MORC2: variants seen among roughly 807,000 people sequenced by gnomAD.
MORC2 encodes MORC family CW-type zinc finger 2, also known as ATPase MORC2.
Under a neutral mutation model 136.0 loss-of-function variants are expected in MORC2, and 30 were observed. That is an observed-to-expected ratio of 0.22 (90% CI 0.17 to 0.30). The LOEUF (loss-of-function observed/expected upper bound fraction) is 0.30, where lower values mean the gene tolerates loss of function less well. MORC2 is among the 10% of genes least tolerant of loss of function. The pLI, the probability that MORC2 is intolerant of heterozygous loss-of-function variation, is 1.00. For synonymous variants in MORC2, 439 were observed against 487.0 expected, an observed-to-expected ratio of 0.90 and a Z score of 1.30; for missense variants, 922 against 1,333.1, an observed-to-expected ratio of 0.69 and a Z score of 4.80.
intron 13 of MORC2, 38 bp downstream of exon 13, chr22:30,938,027 T>C (rs980433333): frequency 1.4e-5 from 23 of 1,613,590 alleles, no homozygotes; most frequent in African/African-American, 4.0e-5. Context: ...TCCTGCCAAC[T>C]ATCCTGGGCT....
At position 30,927,572 on chromosome 22, in the gene MORC2, A is replaced by G. The variant is rs188760176; in HGVS notation, c.3030+447T>C. 1.0e-3 allele frequency among the ~76,000 whole-genome samples: 152 copies of G among 152,140 alleles called. 1 individual carries two copies. Among genetic ancestry groups the G allele is most frequent in the Admixed American group, 1.7e-3 (26 of 15,276 alleles). ...CACCATCAGTAATTCTCTCTCTTCC[A>G]CCAGACTGGCAGGCTGTGAGAGCAG... On this transcript the variant is annotated intron_variant, in intron 25 of 25. Transcript: ENST00000397641.
At position 30,968,245 on chromosome 22, in the gene MORC2, T is replaced by G. The variant is rs1292042129; in HGVS notation, c.-356A>C. 1 of 173,742 alleles carries G rather than the reference T, an allele frequency of 5.8e-6. No individual in the cohort carries two copies. Among genetic ancestry groups the G allele is most frequent in the Non-Finnish European group, 1.2e-5 (1 of 81,316 alleles). The allele number at this position is 173,742 out of a possible 1,614,324, so 10.8% of individuals were successfully genotyped here. On this transcript the variant is annotated 5_prime_UTR_variant, in exon 1 of 26. Coordinates refer to ENST00000397641, the MANE Select transcript of MORC2 (RefSeq NM_001303256.3). ...AGATGGTCCTTGAGTGGGTGGTTTATGACTGCTCCATCTTCATGTTCTTCC... is the reference window on the plus strand; with the variant it reads ...AGATGGTCCTTGAGTGGGTGGTTTAGGACTGCTCCATCTTCATGTTCTTCC...
intron 11 of MORC2, 70 bp downstream of exon 11, chr22:30,939,889 C>G: frequency 6.6e-7 from 1 of 1,510,258 alleles, no homozygotes. Flanking sequence ...TTTTACTTGA[C>G]CAGGCTCATG....
chr22:30,954,056 C>A (rs990477437), intron 3 of MORC2, among the ~76,000 whole-genome samples: 3 of 152,174 alleles, frequency 2.0e-5, no homozygotes, highest in African/African-American at 7.2e-5. Flanking sequence ...GTAAGCCCAG[C>A]ACTTTGGGGG....
At chr22:30,962,187 A>G (rs529071038) in intron 1 of MORC2, among the ~76,000 whole-genome samples, 127 of 151,266 alleles carry the variant, frequency 8.4e-4, no homozygotes, top group African/African-American at 2.9e-3. Flanking sequence ...TCCAGCCTGG[A>G]CAAGAGCAAA....
At position 30,926,746 on chromosome 22, in the gene MORC2, C is replaced by G. The variant is rs113471863; in HGVS notation, c.*57G>C. 5 of 1,479,040 alleles carry G rather than the reference C, an allele frequency of 3.4e-6. No homozygotes were observed. In the Admixed American group the frequency reaches 5.2e-5, roughly 15 times the overall value. 91.6% of individuals were successfully genotyped at this position (1,479,040 alleles called of 1,614,324 possible). A position where few individuals can be genotyped will look rare whatever the true frequency, so the allele number is the denominator to read the frequency against. ...CAACCCATGAATGAAGTCCCCTCCC[C>G]CTGCAGCTACAGGGTTGAGGGGCAG... On this transcript the variant is annotated 3_prime_UTR_variant, in exon 26 of 26. Transcript: ENST00000397641.
At position 30,932,518 on chromosome 22, in the gene MORC2, G is replaced by A. The variant is rs749698880; in HGVS notation, c.2747+27C>T. 91 of 1,613,140 alleles carry A rather than the reference G, an allele frequency of 5.6e-5. No homozygotes were observed. Among genetic ancestry groups the A allele is most frequent in the Admixed American group, 1.0e-4 (6 of 59,976 alleles). Reference sequence around the variant, plus strand: ...AGGCAGAGAGCTGCTGCTGGCCCTGGGGTGGGAAGACAAAAGACACATGTA... The same window carrying A: ...AGGCAGAGAGCTGCTGCTGGCCCTGAGGTGGGAAGACAAAAGACACATGTA... On this transcript the variant is annotated intron_variant, in intron 23 of 25. Transcript: ENST00000397641. This position sits in a 1 kb window ranked among gnomAD's most constrained non-coding sequence, Gnocchi z 4.4.
At chr22:30,948,844 C>T (rs1358194879) in intron 5 of MORC2, among the ~76,000 whole-genome samples, 1 of 152,132 alleles carries the variant, frequency 6.6e-6, no homozygotes, top group African/African-American at 2.4e-5. Context: ...TGGTAAGTGT[C>T]TGTTATTACC....
chr22:30,934,208 G>T lies in MORC2; in HGVS notation c.2194-17C>A. 1 of 1,614,026 alleles carries T rather than the reference G, an allele frequency of 6.2e-7. No homozygotes were observed. Among genetic ancestry groups the T allele is most frequent in the Non-Finnish European group, 8.5e-7 (1 of 1,179,926 alleles). On this transcript the variant is annotated splice_polypyrimidine_tract_variant and intron_variant, in intron 19 of 25. Transcript: ENST00000397641. This position sits in a 1 kb window ranked among gnomAD's most constrained non-coding sequence, Gnocchi z 4.4. Reference sequence around the variant, plus strand: ...AGGGGTAGCCTAGAGCAAGAGGAGCGTGAGGATGTGAGGGGCCCTGTTCAG... The same window carrying T: ...AGGGGTAGCCTAGAGCAAGAGGAGCTTGAGGATGTGAGGGGCCCTGTTCAG...
intron 6 of MORC2, among the ~76,000 whole-genome samples, chr22:30,944,614 G>A (rs993679381): frequency 2.0e-5 from 3 of 152,076 alleles, no homozygotes; most frequent in African/African-American, 7.2e-5. Context: ...ACTGCACTTT[G>A]CATGTCCAGA....
rs1173397468 is a variant in MORC2 at position 30,926,176 on chromosome 22, A to C, written c.*627T>G. ...TTAACTGAAGAAATCCCTCCTTCAG[A>C]AAGAACTTGAGTAGTAGATGAGGTG... On this transcript the variant is annotated 3_prime_UTR_variant, in exon 26 of 26. Transcript: ENST00000397641. 1.3e-5 allele frequency: 2 copies of C among 152,228 alleles called. No homozygotes were observed. The highest frequency in any genetic ancestry group is 2.9e-5 in the Non-Finnish European group (2 of 68,044). 9.4% of individuals were successfully genotyped at this position (152,228 alleles called of 1,614,324 possible).
rs946120426 is a variant in MORC2, at chr22:30,950,293, AAAAC to A, written c.226+80_226+83del. The A allele has an allele frequency of 1.9e-5, 27 of 1,454,236 alleles. No individual in the cohort carries two copies. The African/African-American group carries it at 3.3e-4, about 18-fold the overall frequency. 90.1% of individuals were successfully genotyped at this position (1,454,236 alleles called of 1,614,324 possible). A position where few individuals can be genotyped will look rare whatever the true frequency, so the allele number is the denominator to read the frequency against. On this transcript the variant is annotated intron_variant, in intron 4 of 25. Transcript: ENST00000397641. ...TAGACATAACATTGGAGGCAACAGA[AAAAC>A]AAGTTCACACAATAAGTATTTTGTA...
In MORC2 at chr22:30,934,243, A is replaced by G; in HGVS notation, c.2194-52T>C. Reference sequence around the variant, plus strand: ...GAGGGGCCCTGTTCAGCCTCTAAGGAGCAGGAAGATTTCATCTAGCCTAAA... The same window carrying G: ...GAGGGGCCCTGTTCAGCCTCTAAGGGGCAGGAAGATTTCATCTAGCCTAAA... On this transcript the variant is annotated intron_variant, in intron 19 of 25. Coordinates refer to ENST00000397641, the MANE Select transcript of MORC2 (RefSeq NM_001303256.3). The surrounding 1 kb of genome is among the most constrained non-coding windows in gnomAD (Gnocchi z 4.4). The G allele has an allele frequency of 6.2e-7, 1 of 1,611,052 alleles. No homozygotes were observed. Among genetic ancestry groups the G allele is most frequent in the Non-Finnish European group, 8.5e-7 (1 of 1,178,406 alleles).
chr22:30,952,049 G>A (rs1330698230), intron 3 of MORC2, among the ~76,000 whole-genome samples: 2 of 152,160 alleles, frequency 1.3e-5, no homozygotes, highest in Admixed American at 6.5e-5. Flanking sequence ...CTTCCTGGAA[G>A]TACTATTGGT....
At chr22:30,963,652 C>T (rs1306373528) in intron 1 of MORC2, among the ~76,000 whole-genome samples, 1 of 152,178 alleles carries the variant, frequency 6.6e-6, no homozygotes, top group Non-Finnish European at 1.5e-5. Flanking sequence ...TTCCAAAGTG[C>T]TGGGATTACA....
intron 24 of MORC2, chr22:30,930,102 C>G (rs988024751): frequency 6.6e-6 from 1 of 152,318 alleles, no homozygotes; most frequent in Non-Finnish European, 1.5e-5. Flanking sequence ...AGTGATCCAC[C>G]TTCCTCAGCC....
rs1429592508 is a variant in MORC2, at chr22:30,958,622, A to G, written c.122+19T>C. 6.5e-7 allele frequency: 1 copy of G among 1,537,222 alleles called. No homozygotes were observed. Among genetic ancestry groups the G allele is most frequent in the East Asian group, 2.5e-5 (1 of 40,784 alleles). On this transcript the variant is annotated intron_variant, in intron 2 of 25. Transcript: ENST00000397641. ...TGTTTCCACTTCAAGCACAGATTGT[A>G]TGCCTGAAGACTACATACCTTGCAT... is the stretch of plus-strand genomic sequence containing the variant.
chr22:30,942,575 AC>A (rs1250038116), intron 6 of MORC2, among the ~76,000 whole-genome samples: 1 of 152,106 alleles, frequency 6.6e-6, no homozygotes, highest in Non-Finnish European at 1.5e-5. Flanking sequence ...TTCTACTCTT[AC>A]CACTAGGGAA....
chr22:30,940,112 C>T, intron 10 of MORC2, 71 bp from the exon 11 acceptor site: 1 of 1,444,430 alleles, frequency 6.9e-7, no homozygotes, highest in Non-Finnish European at 9.6e-7. Context: ...CCTGGATCCA[C>T]AGTACTGGAC....
Sources: gnomAD v4.1 joint callset for allele counts (sites outside exome capture counted in the v4.1 genomes callset) on GRCh38, gnomAD v4.1.1 for gene constraint, Gnocchi (gnomAD v3.1) non-coding constraint, MANE v1.5 for transcripts, NCBI Gene and HGNC (gene_info 2026-07-23, HGNC 2026-07-21) for gene names.